Variants in PDE10A observed in about 807,000 individuals in gnomAD.
PDE10A encodes cAMP and cAMP-inhibited cGMP 3',5'-cyclic phosphodiesterase 10A.
Under a neutral mutation model 97.7 loss-of-function variants are expected in PDE10A, and 39 were observed. The ratio of observed to expected loss-of-function variants is 0.40; its 90% confidence interval spans 0.31 to 0.52. The LOEUF (loss-of-function observed/expected upper bound fraction) is 0.52, where lower values mean the gene tolerates loss of function less well. PDE10A is among the 20% of genes least tolerant of loss of function. The pLI is 0.56. For synonymous variants in PDE10A, 371 were observed against 376.8 expected, an observed-to-expected ratio of 0.98 and a Z score of 0.18; for missense variants, 731 against 1,047.8, an observed-to-expected ratio of 0.70 and a Z score of 4.17.
At chr6:165,901,904 C>A (rs576762488) in intron 1 of PDE10A, among the ~76,000 whole-genome samples, 2 of 152,120 alleles carry the variant, frequency 1.3e-5, no homozygotes, top group Non-Finnish European at 2.9e-5. Flanking sequence ...ATCCAACAGA[C>A]ATTAGCTGAT....
rs114783895 is a variant in PDE10A, at chr6:165,652,399, C to G, written c.865+9548G>C. Among the ~76,000 whole-genome samples the G allele has an allele frequency of 5.3e-3, 801 of 151,838 alleles. 9 individuals carry two copies. Among genetic ancestry groups the G allele is most frequent in the African/African-American group, 0.018 (747 of 41,374 alleles). On this transcript the variant is annotated intron_variant, in intron 1 of 21. Coordinates refer to ENST00000539869, the MANE Select transcript of PDE10A (RefSeq NM_001385079.1). Reference sequence around the variant, plus strand: ...ACAAGGTCTCACTATGTTGCCCAGGCTGATCTAGAACTCCCGGGCTCAAGC... The same window carrying G: ...ACAAGGTCTCACTATGTTGCCCAGGGTGATCTAGAACTCCCGGGCTCAAGC...
At chr6:165,564,211 A>G (rs1784663598) in intron 1 of PDE10A, among the ~76,000 whole-genome samples, 1 of 152,200 alleles carries the variant, frequency 6.6e-6, no homozygotes, top group South Asian at 2.1e-4. Context: ...GAAGAGTCCA[A>G]CACTGTTCCT....
chr6:165,697,602 A>G (rs1791470990), intron 1 of PDE10A, among the ~76,000 whole-genome samples: 1 of 152,230 alleles, frequency 6.6e-6, no homozygotes, highest in Non-Finnish European at 1.5e-5. Context: ...AAATGAAACA[A>G]GCCAGTTATA....
chr6:165,897,986 C>T (rs1364574593), intron 1 of PDE10A, among the ~76,000 whole-genome samples: 4 of 151,954 alleles, frequency 2.6e-5, no homozygotes, highest in South Asian at 2.1e-4. Context: ...GGTCCTTTGC[C>T]GACCACTCCC....
chr6:165,693,083 T>A (rs986812585), intron 1 of PDE10A, among the ~76,000 whole-genome samples: 1 of 152,216 alleles, frequency 6.6e-6, no homozygotes, highest in Non-Finnish European at 1.5e-5. Context: ...CATGATGTCC[T>A]CCAATTTGTT....
intron 1 of PDE10A, among the ~76,000 whole-genome samples, chr6:165,715,495 GA>G (rs1562700600): frequency 6.6e-6 from 1 of 152,024 alleles, no homozygotes; most frequent in African/African-American, 2.4e-5. Flanking sequence ...TTGGGTCGGC[GA>G]AAAGACCACA....
intron 1 of PDE10A, among the ~76,000 whole-genome samples, chr6:165,621,532 T>G (rs1352285575): frequency 2.0e-5 from 3 of 152,038 alleles, no homozygotes; most frequent in Non-Finnish European, 4.4e-5. Flanking sequence ...CTGAGGCAGG[T>G]GGATCACAAG....
At chr6:165,690,217 G>A (rs1342088134) in intron 1 of PDE10A, among the ~76,000 whole-genome samples, 6 of 152,212 alleles carry the variant, frequency 3.9e-5, no homozygotes, top group South Asian at 2.1e-4. Flanking sequence ...CCCGAACTCC[G>A]CTCAGTCAAC....
At chr6:165,360,127 T>C (rs1783308690) in intron 18 of PDE10A, among the ~76,000 whole-genome samples, 1 of 152,172 alleles carries the variant, frequency 6.6e-6, no homozygotes, top group African/African-American at 2.4e-5. Context: ...TATCCTGTGG[T>C]GTGGACAAGC....
intron 2 of PDE10A, among the ~76,000 whole-genome samples, chr6:165,495,384 AAG>A (rs1780476972): frequency 6.6e-6 from 1 of 151,940 alleles, no homozygotes; most frequent in Non-Finnish European, 1.5e-5. Context: ...GAAGGAGAAA[AAG>A]AGGAAGGGAA....
intron 1 of PDE10A, among the ~76,000 whole-genome samples, chr6:165,975,067 G>T (rs1415201074): frequency 6.6e-6 from 1 of 152,216 alleles, no homozygotes; most frequent in Non-Finnish European, 1.5e-5. Flanking sequence ...AGGAGAAGGA[G>T]CCCGGGTCCA....
intron 1 of PDE10A, among the ~76,000 whole-genome samples, chr6:165,672,176 C>G (rs970014012): frequency 6.6e-5 from 10 of 152,134 alleles, no homozygotes; most frequent in Admixed American, 6.5e-4. Flanking sequence ...TCATTAATTA[C>G]GTAAAGGTAT....
chr6:165,785,433 G>A (rs998239370), intron 1 of PDE10A, among the ~76,000 whole-genome samples: 7 of 152,184 alleles, frequency 4.6e-5, no homozygotes, highest in African/African-American at 1.7e-4. Flanking sequence ...ACTCAAGAGG[G>A]TGCTTGATTA....
At chr6:165,736,482 T>G (rs1273241213) in intron 1 of PDE10A, among the ~76,000 whole-genome samples, 1 of 152,186 alleles carries the variant, frequency 6.6e-6, no homozygotes, top group Non-Finnish European at 1.5e-5. Context: ...AACTTCACTG[T>G]GGACCCCAGC....
At position 165,330,455 on chromosome 6, in the gene PDE10A, G is replaced by A. The variant is rs970493010; in HGVS notation, c.*2570C>T. ...ATTAACTAAATATCACTGCAACCCG[G>A]GTCCTTTTATTTTAGGTAAATCTGT... On this transcript the variant is annotated 3_prime_UTR_variant, in exon 22 of 22. Coordinates refer to ENST00000539869, the MANE Select transcript of PDE10A (RefSeq NM_001385079.1). The A allele has an allele frequency of 6.6e-6, 1 of 152,004 alleles. No individual in the cohort carries two copies. Among genetic ancestry groups the A allele is most frequent in the Non-Finnish European group, 1.5e-5 (1 of 67,978 alleles). 9.4% of individuals were successfully genotyped at this position (152,004 alleles called of 1,614,324 possible). A position where few individuals can be genotyped will look rare whatever the true frequency, so the allele number is the denominator to read the frequency against.
chr6:165,432,902 C>G, intron 7 of PDE10A, 72 bp downstream of exon 7: 4 of 1,041,114 alleles, frequency 3.8e-6, no homozygotes, highest in Non-Finnish European at 4.3e-6. Flanking sequence ...TATTACTTAG[C>G]AATACTAACA....
chr6:165,743,333 A>G (rs1792771878), intron 1 of PDE10A, among the ~76,000 whole-genome samples: 1 of 152,342 alleles, frequency 6.6e-6, no homozygotes, highest in Non-Finnish European at 1.5e-5. Context: ...CATCTTACGT[A>G]ACCATGGTAC....
At chr6:165,880,192 G>A (rs1010136583) in intron 1 of PDE10A, among the ~76,000 whole-genome samples, 5 of 152,088 alleles carry the variant, frequency 3.3e-5, no homozygotes, top group African/African-American at 9.7e-5. Flanking sequence ...TCTGCCAGAC[G>A]GCATCTTTGG....
At chr6:165,430,877 CA>C (rs1283171379) in intron 8 of PDE10A, among the ~76,000 whole-genome samples, 1 of 151,284 alleles carries the variant, frequency 6.6e-6, no homozygotes. Flanking sequence ...AAACCACCAC[CA>C]AAAAAAATAA....
Sources: allele counts gnomAD v4.1 joint callset (sites outside exome capture counted in the v4.1 genomes callset), GRCh38; gene constraint gnomAD v4.1.1; transcripts MANE v1.5; gene names NCBI Gene and HGNC (gene_info 2026-07-23, HGNC 2026-07-21).